GINS1: variants seen among roughly 807,000 people sequenced by gnomAD.
GINS1 encodes the protein DNA replication complex GINS protein PSF1.
In GINS1, 26 loss-of-function variants were observed where a neutral mutation model predicts 34.9. That is an observed-to-expected ratio of 0.74 (90% CI 0.55 to 1.03). The LOEUF is 1.03. Among genes scored for constraint, GINS1 ranks in the 50% least tolerant of loss-of-function variants. The probability of loss-of-function intolerance (pLI) is 0.00; values close to 1 mark genes in which losing one functional copy is unlikely to be tolerated. For synonymous variants in GINS1, 97 were observed against 84.4 expected, an observed-to-expected ratio of 1.15 and a Z score of -0.82; for missense variants, 235 against 237.9, an observed-to-expected ratio of 0.99 and a Z score of 0.08.
At position 25,434,877 on chromosome 20, in the gene GINS1, G is replaced by T. The variant is rs981750230; in HGVS notation, c.448-6825G>T. Reference sequence around the variant, plus strand: ...GCTGCATCCTCTGGAGGGATGAAATGCAGTGTCCTTGCATAGCAGAAGGTG... The same window carrying T: ...GCTGCATCCTCTGGAGGGATGAAATTCAGTGTCCTTGCATAGCAGAAGGTG... On this transcript the variant is annotated intron_variant, in intron 5 of 6. Coordinates refer to ENST00000262460, the MANE Select transcript of GINS1 (RefSeq NM_021067.5). 2.0e-5 allele frequency among the ~76,000 whole-genome samples: 3 copies of T among 152,208 alleles called. No homozygotes were observed. The South Asian group carries it at 6.2e-4, about 32-fold the overall frequency.
At chr20:25,426,513 C>T (rs1377106528) in intron 5 of GINS1, among the ~76,000 whole-genome samples, 1 of 151,934 alleles carries the variant, frequency 6.6e-6, no homozygotes, top group Non-Finnish European at 1.5e-5. Context: ...TGAGATTGCA[C>T]CATTGCACAA....
chr20:25,419,703 C>A, intron 4 of GINS1: 1 of 432,720 alleles, frequency 2.3e-6, no homozygotes, highest in African/African-American at 2.2e-5. Context: ...CGCTCTGTTG[C>A]CCAGGCTGGA....
chr20:25,417,209 TTC>T lies in GINS1; in HGVS notation c.239+10_239+11del. 6.9e-7 allele frequency: 1 copy of T among 1,443,630 alleles called. No homozygotes were observed. 89.4% of individuals were successfully genotyped at this position (1,443,630 alleles called of 1,614,324 possible). A position where few individuals can be genotyped will look rare whatever the true frequency, so the allele number is the denominator to read the frequency against. On this transcript the variant is annotated splice_region_variant and intron_variant, in intron 3 of 6. Transcript: ENST00000262460. ...GCTGCACTGTAGCATACCTGTAAGC[TTC>T]TCAGTTTTTGCTTGGGGTGGCAGGA...
chr20:25,434,126 A>G (rs2090441322), intron 5 of GINS1, among the ~76,000 whole-genome samples: 1 of 151,994 alleles, frequency 6.6e-6, no homozygotes, highest in Admixed American at 6.6e-5. Context: ...TCTACTAAAA[A>G]TAAAAAAAAT....
intron 2 of GINS1, 75 bp from the exon 3 acceptor site, chr20:25,417,029 G>GT (rs1415159197): frequency 2.9e-6 from 2 of 678,598 alleles, no homozygotes; most frequent in East Asian, 5.4e-5. Flanking sequence ...ATGTAACTCA[G>GT]TTGTTAGTTG....
intron 1 of GINS1, chr20:25,408,976 C>G: frequency 1.0e-6 from 1 of 984,318 alleles, no homozygotes; most frequent in Non-Finnish European, 1.2e-6. Context: ...GGAGGTATAG[C>G]AAGGAGCACG....
At chr20:25,444,270 C>T (rs2146226956) in intron 6 of GINS1, among the ~76,000 whole-genome samples, 1 of 152,222 alleles carries the variant, frequency 6.6e-6, no homozygotes, top group African/African-American at 2.4e-5. Context: ...GCCTTGGCCT[C>T]CCAAAGTGCT....
intron 4 of GINS1, 135 bp from the exon 5 acceptor site, chr20:25,425,076 T>G (rs576982758): frequency 1.8e-5 from 10 of 544,144 alleles, no homozygotes; most frequent in Non-Finnish European, 3.0e-5. Context: ...AGGAGGCAAT[T>G]AATATTTTAG....
In GINS1 at chr20:25,424,273, C is replaced by T. The variant is rs796231989; in HGVS notation, c.331-938C>T. Among the ~76,000 whole-genome samples, 23 of 152,138 alleles carry T rather than the reference C, an allele frequency of 1.5e-4. 1 individual carries two copies. Among genetic ancestry groups the T allele is most frequent in the African/African-American group, 5.1e-4 (21 of 41,520 alleles). On this transcript the variant is annotated intron_variant, in intron 4 of 6. Coordinates refer to ENST00000262460, the MANE Select transcript of GINS1 (RefSeq NM_021067.5). ...TTTTGAGAGCATTTCAACTATTAGC[C>T]CTTTGCACTTCCATGTAAATTTTAG...
chr20:25,418,154 G>A lies in GINS1; in HGVS notation c.289G>A (p.Val97Ile), dbSNP rs6076347. Residue 97 changes from valine to isoleucine, a missense_variant, in exon 4 of 7, where the codon GTC (valine) becomes ATC (isoleucine). Transcript: ENST00000262460. ...AGCACTCAGATGGGAATATGGTAGC[G>A]TCTTGCCAAATGCATTACGATTTCA... is the stretch of plus-strand genomic sequence containing the variant. ...IRALRWEYGS[V>I]LPNALRFHMA... 687,655 of 1,598,772 alleles carry A rather than the reference G, an allele frequency of 0.43. 158,124 individuals carry two copies. Among genetic ancestry groups the A allele is most frequent in the Non-Finnish European group, 0.47 (553,340 of 1,166,002 alleles).
chr20:25,416,684 G>A (rs1200328785), intron 2 of GINS1, among the ~76,000 whole-genome samples: 1 of 152,176 alleles, frequency 6.6e-6, no homozygotes, highest in Non-Finnish European at 1.5e-5. Context: ...TTATAATGAG[G>A]ATTTGGAAGC....
chr20:25,439,424 A>G (rs1342675899), intron 5 of GINS1, among the ~76,000 whole-genome samples: 2 of 152,178 alleles, frequency 1.3e-5, no homozygotes, highest in Non-Finnish European at 2.9e-5. Flanking sequence ...TGTAATCCCA[A>G]CACTTTGGGA....
At chr20:25,436,860 A>G (rs2090457229) in intron 5 of GINS1, among the ~76,000 whole-genome samples, 1 of 151,882 alleles carries the variant, frequency 6.6e-6, no homozygotes, top group African/African-American at 2.4e-5. Flanking sequence ...GTTTCTTTGT[A>G]TGTCTTGTGA....
At position 25,407,743 on chromosome 20, in the gene GINS1, G is replaced by C; in HGVS notation, c.-78G>C. The C allele has an allele frequency of 8.3e-6, 9 of 1,088,424 alleles. No homozygotes were observed. Among genetic ancestry groups the C allele is most frequent in the Non-Finnish European group, 1.3e-5 (9 of 711,156 alleles). The allele number at this position is 1,088,424 out of a possible 1,614,324, so 67.4% of individuals were successfully genotyped here. On this transcript the variant is annotated 5_prime_UTR_variant, in exon 1 of 7. Transcript: ENST00000262460. Reference sequence around the variant, plus strand: ...GCTGTAGGACTAGAACGAAAGGAGTGAGGCGCCGAGAGCCCAGATACCATT... The same window carrying C: ...GCTGTAGGACTAGAACGAAAGGAGTCAGGCGCCGAGAGCCCAGATACCATT...
chr20:25,441,798 T>A (rs894022863), intron 6 of GINS1, 22 bp downstream of exon 6: 2 of 1,215,962 alleles, frequency 1.6e-6, no homozygotes, highest in African/African-American at 1.5e-5. Context: ...CTTCAGATTC[T>A]TTACTTTAAA....
chr20:25,446,706 G>A lies in GINS1; in HGVS notation c.*715G>A, dbSNP rs2090514406. ...TGGCTGGTGTGGCTTGTGGCTATGG[G>A]GTGATCACCAGTATCACCACTTTGG... is the stretch of plus-strand genomic sequence containing the variant. On this transcript the variant is annotated 3_prime_UTR_variant, in exon 7 of 7. Coordinates refer to ENST00000262460, the MANE Select transcript of GINS1 (RefSeq NM_021067.5). 6.6e-6 allele frequency: 1 copy of A among 152,300 alleles called. No individual in the cohort carries two copies. The highest frequency in any genetic ancestry group is 2.4e-5 in the African/African-American group (1 of 41,552). The allele number at this position is 152,300 out of a possible 1,614,324, so 9.4% of individuals were successfully genotyped here.
At chr20:25,438,201 TGTCCAGA>T (rs2090464158) in intron 5 of GINS1, among the ~76,000 whole-genome samples, 1 of 151,036 alleles carries the variant, frequency 6.6e-6, no homozygotes, top group African/African-American at 2.4e-5. Context: ...TAGCCATGAG[TGTCCAGA>T]GTCTATACCT....
Position 25,407,788 on chromosome 20 carries a change from T to A in GINS1, c.-33T>A. ...ACCATTTTGGCGTGAGAGCTGGTGG[T>A]TGGCAAGGCCGCGGGAGTGGGAAGC... On this transcript the variant is annotated 5_prime_UTR_variant, in exon 1 of 7. The change creates a new upstream start codon in the 5' untranslated region. Coordinates refer to ENST00000262460, the MANE Select transcript of GINS1 (RefSeq NM_021067.5). The A allele has an allele frequency of 6.3e-7, 1 of 1,586,114 alleles. No homozygotes were observed. The highest frequency in any genetic ancestry group is 8.7e-7 in the Non-Finnish European group (1 of 1,155,044).
chr20:25,414,023 C>G (rs1411810628), intron 2 of GINS1, among the ~76,000 whole-genome samples, 169 bp downstream of exon 2: 1 of 151,832 alleles, frequency 6.6e-6, no homozygotes, highest in Non-Finnish European at 1.5e-5. Flanking sequence ...AACCTTGTCT[C>G]TACTAAAAAT....
Sources: gnomAD v4.1 joint callset for allele counts (sites outside exome capture counted in the v4.1 genomes callset) on GRCh38, gnomAD v4.1.1 for gene constraint, MANE v1.5 for transcripts, NCBI Gene and HGNC (gene_info 2026-07-23, HGNC 2026-07-21) for gene names.